Variants in ARR3 observed in about 807,000 individuals in gnomAD.
The protein encoded by ARR3 is arrestin 3.
A neutral mutation model predicts 35.4 loss-of-function variants in ARR3; 14 were observed. The observed-to-expected ratio is 0.40, with a 90% CI of 0.26 to 0.62. The LOEUF is 0.62. ARR3 is among the 20% of genes least tolerant of loss of function. The probability of loss-of-function intolerance (pLI) is 0.46; values close to 1 mark genes in which losing one functional copy is unlikely to be tolerated. For synonymous variants in ARR3, 97 were observed against 119.1 expected (o/e 0.81, Z 1.21); for missense variants, 259 against 303.8 (o/e 0.85, Z 1.10).
chrX:70,269,623 A>C (rs1278289742), intron 2 of ARR3, 39 bp from the exon 3 acceptor site: 1 of 1,192,162 alleles, frequency 8.4e-7, no homozygotes, highest in Non-Finnish European at 1.1e-6. Flanking sequence ...TGCACTTCCA[A>C]TCCCCCTCTC....
chrX:70,276,507 C>T lies in ARR3; in HGVS notation c.405+15C>T, dbSNP rs1275965193. The T allele has an allele frequency of 1.7e-6, 2 of 1,207,610 alleles. No homozygotes were observed. The highest frequency in any genetic ancestry group is 2.2e-6 in the Non-Finnish European group (2 of 891,873). Reference sequence around the variant, plus strand: ...ATGCAGGAAAGGTGAGGACTGGGTTCTAAGAAAGAGGGATAGGTAGTGCCA... The same window carrying T: ...ATGCAGGAAAGGTGAGGACTGGGTTTTAAGAAAGAGGGATAGGTAGTGCCA... On this transcript the variant is annotated intron_variant, in intron 7 of 16. Transcript: ENST00000307959.
intron 10 of ARR3, 103 bp from the exon 11 acceptor site, chrX:70,277,963 A>T: frequency 1.1e-6 from 1 of 889,348 alleles, no homozygotes; most frequent in East Asian, 3.2e-5. Context: ...TCACTGCATC[A>T]TGTATAGTGT....
chrX:70,273,651 G>C (rs971287777), intron 5 of ARR3, among the ~76,000 whole-genome samples: 1 of 111,664 alleles, frequency 9.0e-6, no homozygotes, highest in Non-Finnish European at 1.9e-5. Flanking sequence ...ATAGCTCTGA[G>C]CTCACTTTCT....
In ARR3 at chrX:70,278,585, C is replaced by A. The variant is rs760953098; in HGVS notation, c.849C>A (p.Gly283=). Residue 283 remains glycine (G), a synonymous_variant, in exon 12 of 17, where the codon GGC becomes GGA. Coordinates refer to ENST00000307959, the MANE Select transcript of ARR3 (RefSeq NM_004312.3). ...TGGCTGCCAGCTGCCAGAAACGGGG[C>A]CTGGCACTGGATGGCAAACTTAAGC... ...PILAASCQKR[G]LALDGKLKHE... is the part of the protein sequence containing the mutation. The A allele has an allele frequency of 8.3e-6, 10 of 1,210,124 alleles. No individual in the cohort carries two copies. Among genetic ancestry groups the A allele is most frequent in the Non-Finnish European group, 1.1e-5 (10 of 895,083 alleles).
chrX:70,281,002 T>G (rs754739103), intron 15 of ARR3, 97 bp from the exon 16 acceptor site: 17 of 786,922 alleles, frequency 2.2e-5, no homozygotes, highest in African/African-American at 8.9e-5. Context: ...ATTGGGAAGT[T>G]GGGGGGGGGG....
chrX:70,273,633 A>G (rs1023836244), intron 5 of ARR3, among the ~76,000 whole-genome samples: 1 of 111,702 alleles, frequency 9.0e-6, no homozygotes, highest in Non-Finnish European at 1.9e-5. Context: ...ATCCTGAACC[A>G]TTGCTTAATA....
intron 5 of ARR3, among the ~76,000 whole-genome samples, chrX:70,272,406 T>C (rs1414581251): frequency 8.9e-6 from 1 of 112,241 alleles, no homozygotes; most frequent in Non-Finnish European, 1.9e-5. Context: ...TATTTATTCA[T>C]ATTTTCTGTG....
intron 12 of ARR3, 114 bp downstream of exon 12, chrX:70,278,755 T>C (rs939257217): frequency 1.8e-4 from 176 of 991,482 alleles, no homozygotes; most frequent in Admixed American, 6.8e-4. Flanking sequence ...TTTTAAAGTG[T>C]CTCTAGGGCA....
rs758067515 is a variant in ARR3, at chrX:70,276,164, T to C, written c.228T>C (p.Tyr76=). 3.2e-5 allele frequency: 39 copies of C among 1,210,062 alleles called. No homozygotes were observed. The East Asian group carries it at 6.8e-4, about 21-fold the overall frequency. The change falls in exon 6 of 17, where the codon TAT becomes TAC. Residue 76 remains tyrosine (Y), a synonymous_variant. Coordinates refer to ENST00000307959, the MANE Select transcript of ARR3 (RefSeq NM_004312.3). ...VIGLTFRKDL[Y]VQTLQVVPAE... is the part of the protein sequence containing the mutation. ...GTCTGACGTTCCGAAAAGATCTGTATGTGCAGACCCTGCAAGTGGTCCCAG... is the reference window on the plus strand; with the variant it reads ...GTCTGACGTTCCGAAAAGATCTGTACGTGCAGACCCTGCAAGTGGTCCCAG...
intron 5 of ARR3, among the ~76,000 whole-genome samples, chrX:70,271,968 G>T (rs1028420922): frequency 3.6e-5 from 4 of 110,366 alleles, no homozygotes; most frequent in African/African-American, 1.3e-4. Context: ...TAGGAGTTGC[G>T]TGATGCAGTT....
At chrX:70,278,987 C>G (rs1295028270) in intron 12 of ARR3, among the ~76,000 whole-genome samples, 1 of 112,911 alleles carries the variant, frequency 8.9e-6, no homozygotes, top group Non-Finnish European at 1.9e-5. Context: ...TTCTTATTCC[C>G]TTTTACACTT....
intron 13 of ARR3, 120 bp from the exon 14 acceptor site, chrX:70,280,439 C>T: frequency 2.0e-6 from 2 of 991,156 alleles, no homozygotes; most frequent in African/African-American, 1.9e-5. Context: ...GTCACTTTCC[C>T]TTCCAGAAAC....
chrX:70,269,225 T>C (rs2085619739), intron 1 of ARR3, 131 bp from the exon 2 acceptor site: 1 of 580,301 alleles, frequency 1.7e-6, no homozygotes, highest in Admixed American at 4.5e-5. Flanking sequence ...TAGGAGGTAC[T>C]TGATGTGGGT....
Position 70,281,521 on chromosome X carries a change from C to G in ARR3, c.1077-155C>G, listed in dbSNP as rs2085684932. ...AATGAAAGGAAACAAGCCAGAGTGG[C>G]TGATGGAAAAGTGGGGACACCAAGA... On this transcript the variant is annotated intron_variant, in intron 16 of 16. Transcript: ENST00000307959. The G allele has an allele frequency of 1.2e-5, 6 of 493,381 alleles. No individual in the cohort carries two copies. In the East Asian group the frequency reaches 1.5e-4, roughly 12 times the overall value. The allele number at this position is 493,381 out of a possible 1,213,427, so 40.7% of individuals were successfully genotyped here. A position where few individuals can be genotyped will look rare whatever the true frequency, so the allele number is the denominator to read the frequency against.
At chrX:70,270,861 A>G (rs912759797) in intron 5 of ARR3, among the ~76,000 whole-genome samples, 1 of 110,806 alleles carries the variant, frequency 9.0e-6, no homozygotes, top group Non-Finnish European at 1.9e-5. Flanking sequence ...CTCTGGCAGC[A>G]GTATTACAGA....
At chrX:70,274,866 C>G (rs892686894) in intron 5 of ARR3, among the ~76,000 whole-genome samples, 1 of 112,261 alleles carries the variant, frequency 8.9e-6, no homozygotes. Flanking sequence ...CATCTTAATA[C>G]CATCACAATG....
intron 14 of ARR3, 46 bp from the exon 15 acceptor site, chrX:70,280,720 G>A: frequency 1.7e-6 from 2 of 1,208,498 alleles, no homozygotes; most frequent in Non-Finnish European, 2.2e-6. Context: ...TCAGGGATTG[G>A]GCTTGTAGAG....
intron 5 of ARR3, among the ~76,000 whole-genome samples, chrX:70,274,255 G>A (rs925438770): frequency 2.9e-5 from 3 of 105,259 alleles, no homozygotes; most frequent in African/African-American, 1.1e-4. Flanking sequence ...CCACTGGAGG[G>A]CAGTGGTGCA....
intron 5 of ARR3, among the ~76,000 whole-genome samples, chrX:70,275,070 C>A (rs1262353943): frequency 8.9e-6 from 1 of 112,268 alleles, no homozygotes; most frequent in Non-Finnish European, 1.9e-5. Flanking sequence ...AACGTTGATG[C>A]GACGGCCATT....
Sources: gnomAD v4.1 joint callset for allele counts (sites outside exome capture counted in the v4.1 genomes callset) on GRCh38, gnomAD v4.1.1 for gene constraint, MANE v1.5 for transcripts, NCBI Gene and HGNC (gene_info 2026-07-23, HGNC 2026-07-21) for gene names.